NTM: variants seen among roughly 807,000 people sequenced by gnomAD.
The protein encoded by NTM is IgLON family member 2.
In NTM, 13 loss-of-function variants were observed where a neutral mutation model predicts 42.1. The ratio of observed to expected loss-of-function variants is 0.31; its 90% confidence interval spans 0.20 to 0.49. NTM has a LOEUF of 0.49. Among genes scored for constraint, NTM ranks in the 20% least tolerant of loss-of-function variants. The pLI is 0.99. For missense variants in NTM, 373 were observed against 452.8 expected, an observed-to-expected ratio of 0.82 and a Z score of 1.60; for synonymous variants, 187 against 179.2, an observed-to-expected ratio of 1.04 and a Z score of -0.35.
intron 1 of NTM, among the ~76,000 whole-genome samples, chr11:131,453,784 G>GTA (rs1389380655): frequency 6.6e-6 from 1 of 151,336 alleles, no homozygotes; most frequent in East Asian, 2.0e-4. Flanking sequence ...TTGGCTGCAG[G>GTA]TATCTGCCTG....
intron 3 of NTM, among the ~76,000 whole-genome samples, chr11:132,150,580 G>T (rs2071674220): frequency 6.6e-6 from 1 of 152,194 alleles, no homozygotes; most frequent in African/African-American, 2.4e-5. Flanking sequence ...TAAATAGATG[G>T]TGCTCTTTTA....
chr11:131,672,027 C>G (rs1416699427), intron 1 of NTM, among the ~76,000 whole-genome samples: 1 of 152,242 alleles, frequency 6.6e-6, no homozygotes, highest in Admixed American at 6.5e-5. Flanking sequence ...GCAGCGTGCC[C>G]TCGCTGTGTT....
At chr11:132,325,820 C>G (rs1443377811) in intron 7 of NTM, among the ~76,000 whole-genome samples, 2 of 151,696 alleles carry the variant, frequency 1.3e-5, no homozygotes, top group South Asian at 4.2e-4. Context: ...ATATACACCA[C>G]GGAATACTAT....
At chr11:132,306,284 G>T (rs949600537) in intron 4 of NTM, 6 of 152,150 alleles carry the variant, frequency 3.9e-5, no homozygotes, top group African/African-American at 1.4e-4. Flanking sequence ...TGTTGTATCG[G>T]TTTTTTACAG....
At chr11:131,853,921 G>T (rs189061785) in intron 1 of NTM, among the ~76,000 whole-genome samples, 8 of 152,246 alleles carry the variant, frequency 5.3e-5, no homozygotes, top group African/African-American at 1.9e-4. Context: ...CTTTTTGAAT[G>T]AGTTATACAC....
rs73595160 is a variant in NTM, at chr11:131,805,745, G to A, written c.83-105819G>A. ...TTGTCAATAATAGAACAAAACTCCC[G>A]GTGGAAGAACAATATCTTATTCACA... On this transcript the variant is annotated intron_variant, in intron 1 of 8. Transcript: ENST00000683400. Among the ~76,000 whole-genome samples the A allele has an allele frequency of 4.3e-3, 659 of 152,152 alleles. 7 individuals carry two copies. Among genetic ancestry groups the A allele is most frequent in the African/African-American group, 0.015 (630 of 41,502 alleles).
At chr11:132,147,129 G>A (rs551580795) in intron 3 of NTM, among the ~76,000 whole-genome samples, 2 of 150,154 alleles carry the variant, frequency 1.3e-5, no homozygotes, top group East Asian at 3.9e-4. Context: ...AACTCTCCTG[G>A]CCTTCTTCTC....
chr11:132,224,765 G>A (rs1377326751), intron 4 of NTM, among the ~76,000 whole-genome samples: 1 of 152,196 alleles, frequency 6.6e-6, no homozygotes, highest in African/African-American at 2.4e-5. Flanking sequence ...GAGAGGGTAG[G>A]GCTTAGAGAT....
chr11:131,650,763 C>A (rs1308637547), intron 1 of NTM, among the ~76,000 whole-genome samples: 2 of 151,932 alleles, frequency 1.3e-5, no homozygotes, highest in African/African-American at 4.8e-5. Flanking sequence ...AAAAAAAATA[C>A]CAAATTTAAA....
chr11:132,074,997 A>G (rs556831882), intron 2 of NTM, among the ~76,000 whole-genome samples: 1 of 152,344 alleles, frequency 6.6e-6, no homozygotes, highest in South Asian at 2.1e-4. Flanking sequence ...ATTTTTTAAG[A>G]GTATATAAAG....
At chr11:131,429,775 A>G (rs1171544432) in intron 1 of NTM, among the ~76,000 whole-genome samples, 1 of 152,226 alleles carries the variant, frequency 6.6e-6, no homozygotes, top group East Asian at 1.9e-4. Context: ...CGCTAATTGC[A>G]TATTCAGTAG....
chr11:132,020,082 C>A (rs1243573081), intron 2 of NTM, among the ~76,000 whole-genome samples: 6 of 151,938 alleles, frequency 3.9e-5, no homozygotes, highest in Non-Finnish European at 8.8e-5. Context: ...TGAGAATAGG[C>A]AATATTTGAT....
intron 1 of NTM, among the ~76,000 whole-genome samples, chr11:131,402,780 T>A (rs1041443290): frequency 6.6e-6 from 1 of 152,206 alleles, no homozygotes; most frequent in African/African-American, 2.4e-5. Context: ...TTACCAGAAC[T>A]CTTATTAGAA....
chr11:131,831,517 C>G (rs2042817519), intron 1 of NTM, among the ~76,000 whole-genome samples: 1 of 152,106 alleles, frequency 6.6e-6, no homozygotes, highest in Non-Finnish European at 1.5e-5. Context: ...AGTGGGAGTC[C>G]CAGCCTGAGT....
At position 132,335,057 on chromosome 11, in the gene NTM, G is replaced by C; in HGVS notation, c.979G>C (p.Val327Leu). The part of the protein sequence containing the change: ...ALTPWKGPGA[V>L]SEVSNGTSRR... The stretch of plus-strand genomic sequence containing the variant: ...TGTTCTCTCCACAGGTCCAGGCGCC[G>C]TCAGCGAGGTGAGCAACGGCACGTC... Residue 327 changes from valine to leucine, a missense_variant, in exon 9 of 9, where the codon GTC becomes CTC. Physicochemically the swap from Val to Leu is conservative, Grantham distance 32 (BLOSUM62 1). Around this residue, in one of 3 missense-constraint regions of NTM, gnomAD observed 312 missense variants for 353.5 expected, o/e 0.88. Transcript: ENST00000683400. The C allele has an allele frequency of 6.2e-7, 1 of 1,612,214 alleles. No homozygotes were observed. Among genetic ancestry groups the C allele is most frequent in the Non-Finnish European group, 8.5e-7 (1 of 1,179,936 alleles).
intron 1 of NTM, among the ~76,000 whole-genome samples, chr11:131,883,337 A>G (rs2049856686): frequency 6.6e-6 from 1 of 152,202 alleles, no homozygotes; most frequent in Non-Finnish European, 1.5e-5. Context: ...CTCCATCATG[A>G]TGCCACAAAA....
intron 1 of NTM, among the ~76,000 whole-genome samples, chr11:131,459,278 A>G (rs745611612): frequency 6.6e-6 from 1 of 152,238 alleles, no homozygotes; most frequent in Non-Finnish European, 1.5e-5. Context: ...CTGCTTCTCT[A>G]CAGTTGTATC....
intron 2 of NTM, among the ~76,000 whole-genome samples, chr11:131,949,966 T>C (rs1437373317): frequency 6.6e-6 from 1 of 152,224 alleles, no homozygotes; most frequent in African/African-American, 2.4e-5. Context: ...CTGTTATTGT[T>C]TTCCTTACCA....
At chr11:131,656,415 G>A (rs1257674328) in intron 1 of NTM, among the ~76,000 whole-genome samples, 4 of 152,208 alleles carry the variant, frequency 2.6e-5, no homozygotes, top group Admixed American at 6.5e-5. Flanking sequence ...TCCTTCCTGC[G>A]ATGCAGCATG....
Sources: allele counts gnomAD v4.1 joint callset (sites outside exome capture counted in the v4.1 genomes callset), GRCh38; gene constraint gnomAD v4.1.1; regional missense constraint gnomAD v4.1.1; transcripts MANE v1.5; gene names NCBI Gene and HGNC (gene_info 2026-07-23, HGNC 2026-07-21).